RIMKLB: variants seen among roughly 807,000 people sequenced by gnomAD.
RIMKLB encodes ribosomal modification protein rimK like family member B, also known as beta-citrylglutamate synthase B.
In RIMKLB, 7 loss-of-function variants were observed where a neutral mutation model predicts 32.0. The observed-to-expected ratio is 0.22, with a 90% confidence interval of 0.12 to 0.41. The LOEUF is 0.41. RIMKLB is among the 10% of genes least tolerant of loss of function. RIMKLB has a pLI of 1.00. For missense variants in RIMKLB, 289 were observed against 498.7 expected, an observed-to-expected ratio of 0.58 and a Z score of 4.00; for synonymous variants, 172 against 185.1, an observed-to-expected ratio of 0.93 and a Z score of 0.57.
intron 1 of RIMKLB, among the ~76,000 whole-genome samples, chr12:8,710,312 T>C (rs1944269330): frequency 6.7e-6 from 1 of 148,776 alleles, no homozygotes; most frequent in Non-Finnish European, 1.5e-5. Context: ...TCCTTCTTTT[T>C]TTTTTTTTTT....
intron 2 of RIMKLB, among the ~76,000 whole-genome samples, chr12:8,740,719 G>C (rs1947425428): frequency 6.6e-6 from 1 of 152,158 alleles, no homozygotes; most frequent in Admixed American, 6.5e-5. Context: ...CAATTGACAT[G>C]CACTTAGAGA....
downstream of RIMKLB, chr12:8,779,958 T>C (rs1376291273): frequency 1.3e-5 from 2 of 152,230 alleles, no homozygotes; most frequent in Admixed American, 1.3e-4. Flanking sequence ...AAAGACTTAA[T>C]GAATTTATTA....
At chr12:8,743,227 G>C (rs972873851) in intron 2 of RIMKLB, among the ~76,000 whole-genome samples, 3 of 151,290 alleles carry the variant, frequency 2.0e-5, no homozygotes, top group African/African-American at 7.3e-5. Flanking sequence ...GGTGATGCTC[G>C]CCTGTAATCC....
chr12:8,699,409 A>G (rs1334023004), intron 1 of RIMKLB, among the ~76,000 whole-genome samples: 1 of 152,238 alleles, frequency 6.6e-6, no homozygotes, highest in African/African-American at 2.4e-5. Flanking sequence ...TCTATTTTAA[A>G]AAATGATTTC....
intron 1 of RIMKLB, among the ~76,000 whole-genome samples, chr12:8,682,291 G>C (rs1432563487): frequency 5.9e-5 from 9 of 152,098 alleles, no homozygotes. Context: ...TCTTTCCAAG[G>C]GGTTTACACT....
At position 8,773,834 on chromosome 12, in the gene RIMKLB, T is replaced by A; in HGVS notation, c.*50T>A. On this transcript the variant is annotated 3_prime_UTR_variant, in exon 6 of 6. Transcript: ENST00000535829. ...ACCCTTGTAAAACTTTCTTTCTTCT[T>A]TTCTATTTTTAAAACCAACTTGCAA... 1 of 1,543,810 alleles carries A rather than the reference T, an allele frequency of 6.5e-7. No homozygotes were observed. The highest frequency in any genetic ancestry group is 8.7e-7 in the Non-Finnish European group (1 of 1,146,674).
intron 2 of RIMKLB, chr12:8,714,248 G>A (rs1379969167): frequency 4.2e-6 from 2 of 478,038 alleles, no homozygotes; most frequent in Middle Eastern, 5.8e-4. Flanking sequence ...GAAATTAAAG[G>A]TGACCTTCAA....
intron 2 of RIMKLB, among the ~76,000 whole-genome samples, chr12:8,722,063 A>G (rs764415052): frequency 6.6e-6 from 1 of 152,180 alleles, no homozygotes; most frequent in African/African-American, 2.4e-5. Flanking sequence ...TCTTAATGGC[A>G]TCTAGAATGA....
downstream of RIMKLB, chr12:8,780,097 T>G (rs1242779197): frequency 1.3e-5 from 2 of 152,210 alleles, no homozygotes; most frequent in Non-Finnish European, 2.9e-5. Context: ...GTCCAGAACA[T>G]TGAAAACTCA....
At chr12:8,702,172 C>T (rs1943466356) in intron 1 of RIMKLB, among the ~76,000 whole-genome samples, 1 of 152,130 alleles carries the variant, frequency 6.6e-6, no homozygotes, top group Admixed American at 6.6e-5. Context: ...ATGCATTTCC[C>T]ACTGGGGATA....
chr12:8,686,100 C>G (rs1942563164), intron 1 of RIMKLB, among the ~76,000 whole-genome samples: 1 of 152,138 alleles, frequency 6.6e-6, no homozygotes, highest in South Asian at 2.1e-4. Flanking sequence ...GCCACCGCGC[C>G]CGGACTAATT....
At chr12:8,683,999 C>T (rs991584475) in intron 1 of RIMKLB, among the ~76,000 whole-genome samples, 15 of 152,066 alleles carry the variant, frequency 9.9e-5, no homozygotes, top group African/African-American at 2.7e-4. Flanking sequence ...CCACCCCCCT[C>T]GGCTTCCCAA....
intron 5 of RIMKLB, among the ~76,000 whole-genome samples, chr12:8,765,751 T>G (rs1949907361): frequency 6.6e-6 from 1 of 152,064 alleles, no homozygotes; most frequent in South Asian, 2.1e-4. Context: ...TCCTTATTAG[T>G]TGGGGAAGAA....
chr12:8,726,191 G>T (rs1247534695), intron 2 of RIMKLB, among the ~76,000 whole-genome samples: 4 of 152,212 alleles, frequency 2.6e-5, no homozygotes, highest in Non-Finnish European at 4.4e-5. Flanking sequence ...GAGAGTTCCT[G>T]TTGTTGCACA....
the RIMKLB span, among the ~76,000 whole-genome samples, chr12:8,670,092 G>T: frequency 6.6e-6 from 1 of 150,776 alleles, no homozygotes; most frequent in African/African-American, 2.5e-5. Context: ...CCTCCCCCGG[G>T]TCCCTCCCAC....
intron 2 of RIMKLB, among the ~76,000 whole-genome samples, chr12:8,749,295 C>T (rs947293792): frequency 6.6e-6 from 1 of 151,902 alleles, no homozygotes; most frequent in African/African-American, 2.4e-5. Context: ...ACTGCAACCT[C>T]CACCTGCCTG....
intron 1 of RIMKLB, among the ~76,000 whole-genome samples, chr12:8,698,715 C>CCGCCGCCCCTCA (rs11275581): frequency 0.24 from 36,248 of 151,378 alleles, 4,574 homozygotes; most frequent in Non-Finnish European, 0.27. Context: ...CCTCCCCCCC[C>CCGCCGCCCCTCA]TTCCCACAAA....
chr12:8,699,285 GTTCAT>G (rs1341488938), intron 1 of RIMKLB, among the ~76,000 whole-genome samples: 1 of 151,974 alleles, frequency 6.6e-6, no homozygotes, highest in Non-Finnish European at 1.5e-5. Context: ...GGCTTGGTAT[GTTCAT>G]TATATTTATG....
At chr12:8,765,547 A>G (rs1054911175) in intron 5 of RIMKLB, among the ~76,000 whole-genome samples, 1 of 152,078 alleles carries the variant, frequency 6.6e-6, no homozygotes, top group South Asian at 2.1e-4. Flanking sequence ...CTTGTAAACC[A>G]CCAATATAGC....
Sources: gnomAD v4.1 joint callset for allele counts (sites outside exome capture counted in the v4.1 genomes callset) on GRCh38, gnomAD v4.1.1 for gene constraint, MANE v1.5 for transcripts, NCBI Gene and HGNC (gene_info 2026-07-23, HGNC 2026-07-21) for gene names.